MINPP1: variants seen among roughly 807,000 people sequenced by gnomAD.
MINPP1 encodes the protein multiple inositol-polyphosphate phosphatase 1, also known as multiple inositol polyphosphate phosphatase 1.
In MINPP1, 28 loss-of-function variants were observed where a neutral mutation model predicts 46.1. The ratio of observed to expected loss-of-function variants is 0.61; its 90% confidence interval spans 0.45 to 0.83. The LOEUF (loss-of-function observed/expected upper bound fraction) is 0.83, where lower values mean the gene tolerates loss of function less well. Ranked by LOEUF, MINPP1 falls within the 40% of genes least tolerant of loss-of-function variation. The pLI, the probability that MINPP1 is intolerant of heterozygous loss-of-function variation, is 0.00. For synonymous variants in MINPP1, 268 were observed against 249.1 expected (o/e 1.08, Z -0.72); for missense variants, 603 against 610.0 (o/e 0.99, Z 0.12).
At position 87,505,026 on chromosome 10, in the gene MINPP1, C is replaced by T; in HGVS notation, c.111C>T (p.Asp37=). ...GCTGCTCTCTTCTAGAGCCGAGGGA[C>T]CCGGTGGCCTCGTCGCTCAGCCCCT... is the stretch of plus-strand genomic sequence containing the variant. ...LARCSLLEPR[D]PVASSLSPYF... The change falls in exon 1 of 5, where the codon GAC becomes GAT. Residue 37 remains aspartate, a synonymous_variant. Transcript: ENST00000371996. The surrounding 1 kb of genome is among the most constrained non-coding windows in gnomAD (Gnocchi z 4.4). The T allele has an allele frequency of 6.2e-7, 1 of 1,613,162 alleles. No individual in the cohort carries two copies. Among genetic ancestry groups the T allele is most frequent in the Non-Finnish European group, 8.5e-7 (1 of 1,179,898 alleles).
intron 2 of MINPP1, among the ~76,000 whole-genome samples, chr10:87,508,735 T>C (rs1348677149): frequency 6.6e-6 from 1 of 152,216 alleles, no homozygotes; most frequent in Admixed American, 6.5e-5. Context: ...TTGAGTGTTA[T>C]TTAAATTACT....
chr10:87,523,071 G>T (rs1433502328), intron 4 of MINPP1, among the ~76,000 whole-genome samples: 1 of 152,140 alleles, frequency 6.6e-6, no homozygotes, highest in African/African-American at 2.4e-5. Flanking sequence ...ACATCTTTGG[G>T]CACCACTTGT....
intron 1 of MINPP1, 99 bp from the exon 2 acceptor site, chr10:87,508,237 A>C (rs1302799383): frequency 1.9e-6 from 3 of 1,559,670 alleles, no homozygotes; most frequent in Non-Finnish European, 2.6e-6. Flanking sequence ...GATTAGTAAG[A>C]TGTTAGTGTT....
chr10:87,545,139 G>A (rs998010901), intron 4 of MINPP1, among the ~76,000 whole-genome samples: 3 of 152,088 alleles, frequency 2.0e-5, no homozygotes, highest in African/African-American at 7.2e-5. Flanking sequence ...TAGGGTTTCA[G>A]TTTTATGAAC....
At chr10:87,523,989 G>A (rs1478310590) in intron 4 of MINPP1, among the ~76,000 whole-genome samples, 1 of 152,150 alleles carries the variant, frequency 6.6e-6, no homozygotes, top group African/African-American at 2.4e-5. Context: ...AATTCTTACG[G>A]GCCCTAGAAT....
At chr10:87,507,071 C>T (rs1397932374) in intron 1 of MINPP1, among the ~76,000 whole-genome samples, 3 of 152,108 alleles carry the variant, frequency 2.0e-5, no homozygotes. Context: ...GATGGCATTG[C>T]GAAGACTGGC....
intron 4 of MINPP1, among the ~76,000 whole-genome samples, chr10:87,535,950 T>A (rs140742044): frequency 2.1e-5 from 3 of 141,338 alleles, no homozygotes; most frequent in South Asian, 2.3e-4. Flanking sequence ...ATAAATAAAT[T>A]AAGATTGTTC....
chr10:87,507,079 G>T (rs776217092), intron 1 of MINPP1, among the ~76,000 whole-genome samples: 8 of 152,182 alleles, frequency 5.3e-5, no homozygotes, highest in Non-Finnish European at 1.0e-4. Context: ...TGCGAAGACT[G>T]GCATTTGACT....
intron 4 of MINPP1, among the ~76,000 whole-genome samples, chr10:87,530,980 G>A (rs1469344899): frequency 6.6e-5 from 10 of 152,178 alleles, no homozygotes; most frequent in African/African-American, 2.4e-4. Flanking sequence ...GCGAGGCTCT[G>A]TGGGCATGGG....
chr10:87,539,576 A>G (rs1006738332), intron 4 of MINPP1, among the ~76,000 whole-genome samples: 1 of 152,216 alleles, frequency 6.6e-6, no homozygotes, highest in Non-Finnish European at 1.5e-5. Flanking sequence ...TGTGGAATAT[A>G]TATGACTTTG....
At chr10:87,541,897 C>G (rs1851820400) in intron 4 of MINPP1, among the ~76,000 whole-genome samples, 1 of 152,198 alleles carries the variant, frequency 6.6e-6, no homozygotes, top group African/African-American at 2.4e-5. Flanking sequence ...TCTCTTCCCA[C>G]CAGGCCCTAC....
intron 4 of MINPP1, 127 bp downstream of exon 4, chr10:87,521,296 G>A: frequency 1.5e-6 from 1 of 686,566 alleles, no homozygotes; most frequent in Non-Finnish European, 2.5e-6. Flanking sequence ...AATATAATGT[G>A]ATACAAAAGA....
intron 4 of MINPP1, among the ~76,000 whole-genome samples, chr10:87,551,447 G>T (rs556870924): frequency 1.7e-3 from 252 of 151,830 alleles, no homozygotes; most frequent in African/African-American, 5.8e-3. Flanking sequence ...TCAAGAAAAA[G>T]AATTGATTCA....
intron 4 of MINPP1, among the ~76,000 whole-genome samples, chr10:87,539,927 C>T (rs922782309): frequency 1.3e-5 from 2 of 152,160 alleles, no homozygotes; most frequent in Admixed American, 1.3e-4. Context: ...AGTGCAGTGG[C>T]GTAATCATGG....
intron 4 of MINPP1, among the ~76,000 whole-genome samples, chr10:87,536,823 T>G (rs1003100612): frequency 6.6e-6 from 1 of 152,264 alleles, no homozygotes; most frequent in African/African-American, 2.4e-5. Flanking sequence ...ATTCACAGTT[T>G]TAAGGCTATT....
intron 4 of MINPP1, among the ~76,000 whole-genome samples, chr10:87,538,788 C>T (rs1243284438): frequency 6.6e-6 from 1 of 152,086 alleles, no homozygotes; most frequent in Non-Finnish European, 1.5e-5. Flanking sequence ...ATTTGATATT[C>T]CTGGATCATG....
chr10:87,505,960 A>G lies in MINPP1; in HGVS notation c.637+408A>G, dbSNP rs1018224819. Reference sequence around the variant, plus strand: ...TTCACAATTGGGCGCACGTTTTAAAAAACAGAATCTAGAATTTTCTTCCTC... The same window carrying G: ...TTCACAATTGGGCGCACGTTTTAAAGAACAGAATCTAGAATTTTCTTCCTC... On this transcript the variant is annotated intron_variant, in intron 1 of 4. Coordinates refer to ENST00000371996, the MANE Select transcript of MINPP1 (RefSeq NM_004897.5). This position sits in a 1 kb window ranked among gnomAD's most constrained non-coding sequence, Gnocchi z 4.4. 6.6e-6 allele frequency among the ~76,000 whole-genome samples: 1 copy of G among 151,596 alleles called. No individual in the cohort carries two copies. Among genetic ancestry groups the G allele is most frequent in the Non-Finnish European group, 1.5e-5 (1 of 67,974 alleles).
intron 4 of MINPP1, among the ~76,000 whole-genome samples, chr10:87,547,311 C>G (rs995431833): frequency 6.6e-6 from 1 of 151,978 alleles, no homozygotes. Context: ...TGGGATTTTA[C>G]TAGGTTGGCC....
intron 4 of MINPP1, among the ~76,000 whole-genome samples, chr10:87,529,892 T>G (rs1851632542): frequency 6.6e-6 from 1 of 152,214 alleles, no homozygotes; most frequent in African/African-American, 2.4e-5. Context: ...TCTTGGAGGC[T>G]TTGTTCATTT....
Sources: gnomAD v4.1 joint callset for allele counts (sites outside exome capture counted in the v4.1 genomes callset) on GRCh38, gnomAD v4.1.1 for gene constraint, Gnocchi (gnomAD v3.1) non-coding constraint, MANE v1.5 for transcripts, NCBI Gene and HGNC (gene_info 2026-07-23, HGNC 2026-07-21) for gene names.